Variants in GPHN observed in about 807,000 individuals in gnomAD.
The protein encoded by GPHN is gephyrin.
A neutral mutation model predicts 95.5 loss-of-function variants in GPHN; 17 were observed. The ratio of observed to expected loss-of-function variants is 0.18; its 90% CI spans 0.12 to 0.27. The LOEUF is 0.27. GPHN is among the 10% of genes least tolerant of loss of function. The pLI is 1.00. For missense variants in GPHN, 660 were observed against 978.1 expected (o/e 0.67, Z 4.34); for synonymous variants, 320 against 322.5 (o/e 0.99, Z 0.08).
At chr14:66,588,146 G>A (rs916599956) in intron 1 of GPHN, among the ~76,000 whole-genome samples, 2 of 152,142 alleles carry the variant, frequency 1.3e-5, no homozygotes, top group African/African-American at 4.8e-5. Flanking sequence ...CAGCAGAGGG[G>A]CCTGACTGTT....
chr14:66,928,397 T>A (rs766418557), intron 8 of GPHN, among the ~76,000 whole-genome samples: 1 of 152,180 alleles, frequency 6.6e-6, no homozygotes, highest in Non-Finnish European at 1.5e-5. Flanking sequence ...TCTGATTTTA[T>A]TTATTTGGGT....
At chr14:67,158,918 T>C (rs2081791334) in intron 18 of GPHN, among the ~76,000 whole-genome samples, 1 of 152,176 alleles carries the variant, frequency 6.6e-6, no homozygotes, top group African/African-American at 2.4e-5. Context: ...AAGTCTCTCT[T>C]CAAGGAATGT....
At chr14:67,607,860 C>T in the GPHN span, among the ~76,000 whole-genome samples, 1 of 152,176 alleles carries the variant, frequency 6.6e-6, no homozygotes, top group Admixed American at 6.5e-5. Flanking sequence ...ATGTAACTCT[C>T]TGAATAGCCA....
chr14:66,508,979 T>G (rs879262090), intron 1 of GPHN: 18 of 304,552 alleles, frequency 5.9e-5, no homozygotes, highest in Non-Finnish European at 1.0e-4. Context: ...CCTCCGCTAG[T>G]GCTCTTCAGA....
At chr14:66,682,378 A>C (rs1452080850) in intron 2 of GPHN, among the ~76,000 whole-genome samples, 2 of 152,226 alleles carry the variant, frequency 1.3e-5, no homozygotes, top group African/African-American at 2.4e-5. Flanking sequence ...ATTTAATTGC[A>C]TTAAGAGTTC....
the GPHN span, among the ~76,000 whole-genome samples, chr14:67,395,911 G>C: frequency 6.6e-6 from 1 of 152,118 alleles, no homozygotes; most frequent in African/African-American, 2.4e-5. Flanking sequence ...AGAGGGAAAT[G>C]CCCAGGCTTT....
chr14:67,031,891 G>A (rs1416325693), intron 10 of GPHN, among the ~76,000 whole-genome samples: 2 of 151,662 alleles, frequency 1.3e-5, no homozygotes, highest in South Asian at 2.1e-4. Flanking sequence ...TACCTTCCTC[G>A]TTGTCAACAT....
chr14:67,208,107 A>T, the GPHN span: 1 of 1,524,460 alleles, frequency 6.6e-7, no homozygotes, highest in Non-Finnish European at 8.8e-7. Flanking sequence ...AGTGACGATG[A>T]ATGAAATGGT....
At chr14:67,472,263 T>C in the GPHN span, 1 of 152,458 alleles carries the variant, frequency 6.6e-6, no homozygotes, top group Non-Finnish European at 1.5e-5. Context: ...TCTTTCTTCC[T>C]CTCATTCTCC....
chr14:67,082,180 T>G (rs1449898008), intron 11 of GPHN, among the ~76,000 whole-genome samples: 1 of 152,254 alleles, frequency 6.6e-6, no homozygotes, highest in East Asian at 1.9e-4. Flanking sequence ...ATTTGTACAT[T>G]GCTTTTGGCA....
At chr14:67,210,517 T>C in the GPHN span, among the ~76,000 whole-genome samples, 5 of 152,152 alleles carry the variant, frequency 3.3e-5, no homozygotes, top group East Asian at 1.9e-4. Context: ...AAAATGTAAA[T>C]ACAATGGTAT....
chr14:67,417,666 A>T, the GPHN span, among the ~76,000 whole-genome samples: 2 of 152,204 alleles, frequency 1.3e-5, no homozygotes, highest in Admixed American at 1.3e-4. Flanking sequence ...CATGGGCTCA[A>T]GTGAGCCTCC....
At chr14:66,829,342 C>A (rs1446491935) in intron 4 of GPHN, among the ~76,000 whole-genome samples, 1 of 152,072 alleles carries the variant, frequency 6.6e-6, no homozygotes, top group African/African-American at 2.4e-5. Flanking sequence ...CCTGCTTCGG[C>A]CTCCCAAAGT....
the GPHN span, among the ~76,000 whole-genome samples, chr14:67,289,594 G>C: frequency 6.6e-6 from 1 of 151,938 alleles, no homozygotes; most frequent in African/African-American, 2.4e-5. Flanking sequence ...TTGATTTGGG[G>C]CGGGAAAGAT....
chr14:66,749,504 T>A (rs2058289245), intron 2 of GPHN, among the ~76,000 whole-genome samples: 1 of 151,970 alleles, frequency 6.6e-6, no homozygotes, highest in East Asian at 1.9e-4. Flanking sequence ...TGCCAGCCTT[T>A]GGTATTATCA....
intron 8 of GPHN, among the ~76,000 whole-genome samples, chr14:66,932,458 T>TG (rs1330572019): frequency 0.027 from 3,335 of 123,634 alleles, 153 homozygotes; most frequent in Non-Finnish European, 0.045. Flanking sequence ...TTTTTTTTTT[T>TG]TTTTTTTTTT....
intron 6 of GPHN, 108 bp downstream of exon 6, chr14:66,916,177 A>T: frequency 2.7e-6 from 2 of 735,562 alleles, no homozygotes; most frequent in Non-Finnish European, 5.0e-6. Flanking sequence ...CTCACATCTG[A>T]TACCAATTGC....
intron 1 of GPHN, among the ~76,000 whole-genome samples, chr14:66,549,421 G>A (rs1169597822): frequency 6.6e-6 from 1 of 152,198 alleles, no homozygotes; most frequent in Non-Finnish European, 1.5e-5. Flanking sequence ...TTAATCCAGA[G>A]CAAGGTTCTA....
chr14:66,777,029 C>T (rs57682651), intron 3 of GPHN, among the ~76,000 whole-genome samples: 441 of 151,452 alleles, frequency 2.9e-3, no homozygotes, highest in African/African-American at 7.9e-3. Context: ...AATGCTATCC[C>T]GAGCTGGTTT....
Sources: allele counts gnomAD v4.1 joint callset (sites outside exome capture counted in the v4.1 genomes callset), GRCh38; gene constraint gnomAD v4.1.1; transcripts MANE v1.5; gene names NCBI Gene and HGNC (gene_info 2026-07-23, HGNC 2026-07-21).